Variants in ERG observed in about 807,000 individuals in gnomAD.
ERG encodes the protein transcriptional regulator ERG.
A neutral mutation model predicts 55.3 loss-of-function variants in ERG; 9 were observed. That is an observed-to-expected ratio of 0.16 (90% CI 0.10 to 0.28). The LOEUF (loss-of-function observed/expected upper bound fraction) is 0.28, where lower values mean the gene tolerates loss of function less well. Ranked by LOEUF, ERG falls within the 10% of genes least tolerant of loss-of-function variation. ERG has a pLI of 1.00. For synonymous variants in ERG, 223 were observed against 237.3 expected, an observed-to-expected ratio of 0.94 and a Z score of 0.55; for missense variants, 434 against 631.6, an observed-to-expected ratio of 0.69 and a Z score of 3.35.
At chr21:38,613,127 C>T (rs981441105) in intron 1 of ERG, among the ~76,000 whole-genome samples, 1 of 152,184 alleles carries the variant, frequency 6.6e-6, no homozygotes, top group Non-Finnish European at 1.5e-5. Context: ...ATTTTAAGCA[C>T]CGCATAGGAA....
At chr21:38,462,004 C>T (rs1235783287) in intron 1 of ERG, among the ~76,000 whole-genome samples, 1 of 150,972 alleles carries the variant, frequency 6.6e-6, no homozygotes, top group Non-Finnish European at 1.5e-5. Context: ...TTTTTTGAGA[C>T]GGAGTCTCGC....
At chr21:38,660,350 C>A (rs989809832) in intron 1 of ERG, among the ~76,000 whole-genome samples, 1 of 152,224 alleles carries the variant, frequency 6.6e-6, no homozygotes, top group African/African-American at 2.4e-5. Context: ...TCCCTGGGAC[C>A]CCGCACTGGC....
chr21:38,611,481 G>A (rs1370337033), intron 1 of ERG, among the ~76,000 whole-genome samples: 1 of 151,944 alleles, frequency 6.6e-6, no homozygotes, highest in Non-Finnish European at 1.5e-5. Flanking sequence ...CCTCCCTGCT[G>A]CTCCTCAAGC....
intron 1 of ERG, among the ~76,000 whole-genome samples, chr21:38,480,486 C>A (rs2059227433): frequency 6.6e-6 from 1 of 150,442 alleles, no homozygotes; most frequent in African/African-American, 2.4e-5. Flanking sequence ...TTGCTTTAAG[C>A]CACTAGGTTG....
intron 1 of ERG, chr21:38,472,142 C>G (rs2059145035): frequency 6.6e-6 from 1 of 151,934 alleles, no homozygotes; most frequent in Non-Finnish European, 1.5e-5. Context: ...TTCCCAGAAC[C>G]TAGAACAACT....
At chr21:38,370,027 G>A in the ERG span, among the ~76,000 whole-genome samples, 1 of 152,064 alleles carries the variant, frequency 6.6e-6, no homozygotes, top group Non-Finnish European at 1.5e-5. Context: ...CTGTAGCCCT[G>A]TATTATAGTT....
At chr21:38,390,845 C>A in intron 9 of ERG, 150 bp downstream of exon 9, 1 of 662,178 alleles carries the variant, frequency 1.5e-6, no homozygotes, top group East Asian at 2.6e-5. Context: ...ATAACCCAAC[C>A]CATCTTTCCA....
intron 2 of ERG, among the ~76,000 whole-genome samples, chr21:38,519,473 T>C (rs2059577501): frequency 6.6e-6 from 1 of 152,062 alleles, no homozygotes; most frequent in African/African-American, 2.4e-5. Flanking sequence ...TGCCAACCCA[T>C]GACCAAAGAG....
intron 6 of ERG, among the ~76,000 whole-genome samples, chr21:38,396,760 A>AC: frequency 6.6e-6 from 1 of 152,252 alleles, no homozygotes; most frequent in East Asian, 1.9e-4. Context: ...TGTTTTTGCC[A>AC]CTTTTTCCCC....
rs74671533 is a variant in ERG at position 38,607,309 on chromosome 21, T to C, written c.-149-22364A>G. Among the ~76,000 whole-genome samples, 1,071 of 152,182 alleles carry C rather than the reference T, an allele frequency of 7.0e-3. 6 individuals are homozygous for C. The highest frequency in any genetic ancestry group is 0.01 in the Middle Eastern group (3 of 294). On this transcript the variant is annotated intron_variant, in intron 1 of 10. Coordinates refer to the ERG transcript ENST00000398910. ...GAGTATATCTTCAATAAGAAGAAAA[T>C]TAAACCCAGAAAGGAAAAAAATGAA...
chr21:38,410,274 G>T (rs1988983329), intron 3 of ERG, among the ~76,000 whole-genome samples: 1 of 152,230 alleles, frequency 6.6e-6, no homozygotes, highest in Admixed American at 6.5e-5. Flanking sequence ...GCTTCTGTCA[G>T]ATGAATCATA....
In ERG at chr21:38,554,838, GA is replaced by G. The variant is rs796738323; in HGVS notation, c.-41+20823del. Among the ~76,000 whole-genome samples, 1,180 of 129,490 alleles carry G rather than the reference GA, an allele frequency of 9.1e-3. 10 individuals carry two copies. The highest frequency in any genetic ancestry group is 0.027 in the African/African-American group (954 of 35,778). The allele number at this position is 129,490 out of a possible 152,430, so 85.0% of individuals were successfully genotyped here. Reference sequence around the variant, plus strand: ...CGAACCTAAAATAAAAGTTAGAAAGGAAAAAAAAAAAACTAAATCCCTATCT... The same window carrying G: ...CGAACCTAAAATAAAAGTTAGAAAGGAAAAAAAAAAACTAAATCCCTATCT... On this transcript the variant is annotated intron_variant, in intron 2 of 8. Coordinates refer to the ERG transcript ENST00000398897.
upstream of ERG, among the ~76,000 whole-genome samples, chr21:38,498,859 C>T (rs1055477232): frequency 1.3e-5 from 2 of 152,132 alleles, no homozygotes; most frequent in African/African-American, 2.4e-5. This position sits in a 1 kb window ranked among gnomAD's most constrained non-coding sequence, Gnocchi z 4.6. Flanking sequence ...CCCAATTCTT[C>T]GCAGAATTAC....
At chr21:38,613,419 C>T (rs566465351) in intron 1 of ERG, among the ~76,000 whole-genome samples, 1 of 152,336 alleles carries the variant, frequency 6.6e-6, no homozygotes, top group East Asian at 1.9e-4. Context: ...CTGACCACAT[C>T]GTAACTACTG....
chr21:38,419,516 T>C (rs200940111), intron 3 of ERG, among the ~76,000 whole-genome samples: 5 of 150,720 alleles, frequency 3.3e-5, no homozygotes, highest in South Asian at 4.2e-4. Flanking sequence ...AAAATACACA[T>C]ACACACACAC....
intron 2 of ERG, among the ~76,000 whole-genome samples, chr21:38,558,061 G>C (rs9978269): frequency 1.5e-5 from 2 of 135,514 alleles, no homozygotes; most frequent in East Asian, 2.6e-4. Flanking sequence ...CTAAGTTTTG[G>C]GGGGGGGTCC....
At chr21:38,529,464 C>A in intron 2 of ERG, among the ~76,000 whole-genome samples, 1 of 152,084 alleles carries the variant, frequency 6.6e-6, no homozygotes. Flanking sequence ...TGATGCTAGG[C>A]ATTTGGGCTT....
At chr21:38,389,424 A>T (rs1160309915) in intron 9 of ERG, among the ~76,000 whole-genome samples, 1 of 152,122 alleles carries the variant, frequency 6.6e-6, no homozygotes, top group African/African-American at 2.4e-5. Context: ...ACATGATTGT[A>T]TTAACATTCC....
downstream of ERG, among the ~76,000 whole-genome samples, chr21:38,376,799 A>G (rs963639377): frequency 2.6e-5 from 4 of 152,252 alleles, no homozygotes; most frequent in African/African-American, 7.2e-5. Context: ...GACTCCGTCC[A>G]GAAGAGCACC....
Sources: allele counts gnomAD v4.1 joint callset (sites outside exome capture counted in the v4.1 genomes callset), GRCh38; gene constraint gnomAD v4.1.1; non-coding constraint Gnocchi (gnomAD v3.1); transcripts MANE v1.5; gene names NCBI Gene and HGNC (gene_info 2026-07-23, HGNC 2026-07-21).